The following GRM8 variants were observed in gnomAD, a reference collection of about 807,000 sequenced individuals.
GRM8 encodes glutamate metabotropic receptor 8, also known as metabotropic glutamate receptor 8.
In GRM8, 47 loss-of-function variants were observed where a neutral mutation model predicts 87.2. That is an observed-to-expected ratio of 0.54 (90% CI 0.43 to 0.69). The LOEUF (loss-of-function observed/expected upper bound fraction) is 0.69, where lower values mean the gene tolerates loss of function less well. Ranked by LOEUF, GRM8 falls within the 30% of genes least tolerant of loss-of-function variation. The pLI, the probability that GRM8 is intolerant of heterozygous loss-of-function variation, is 0.00. For synonymous variants in GRM8, 396 were observed against 404.5 expected, an observed-to-expected ratio of 0.98 and a Z score of 0.25; for missense variants, 1,019 against 1,139.2, an observed-to-expected ratio of 0.89 and a Z score of 1.52.
chr7:126,883,499 C>A (rs1800203388), intron 6 of GRM8, among the ~76,000 whole-genome samples: 1 of 152,136 alleles, frequency 6.6e-6, no homozygotes, highest in Admixed American at 6.5e-5. Flanking sequence ...TTGATTACAG[C>A]TTTTCAATCT....
At position 126,904,652 on chromosome 7, in the gene GRM8, G is replaced by A. The variant is rs370965431; in HGVS notation, c.759C>T (p.Ile253=). The change falls in exon 4 of 11, where the codon ATC becomes ATT. Residue 253 remains isoleucine (I), a synonymous_variant. Transcript: ENST00000339582. ...GGVCIAQSQK[I]PREPRPGEFE... is the part of the protein sequence containing the mutation. ...ATTCTCCAGGTCTTGGTTCACGTGGGATTTTCTGTGACTGAGCAATGCAAA... is the reference window on the plus strand; with the variant it reads ...ATTCTCCAGGTCTTGGTTCACGTGGAATTTTCTGTGACTGAGCAATGCAAA... 8.1e-6 allele frequency: 13 copies of A among 1,613,418 alleles called. No individual in the cohort carries two copies. The African/African-American group carries it at 1.3e-4, about 17-fold the overall frequency.
intron 3 of GRM8, among the ~76,000 whole-genome samples, chr7:127,033,939 C>G (rs1159699297): frequency 2.0e-5 from 3 of 152,192 alleles, no homozygotes; most frequent in Non-Finnish European, 4.4e-5. Flanking sequence ...AGACATACCA[C>G]AAGAGTTAAA....
At chr7:126,561,014 CT>C (rs1793633885) in intron 8 of GRM8, among the ~76,000 whole-genome samples, 1 of 152,148 alleles carries the variant, frequency 6.6e-6, no homozygotes, top group Non-Finnish European at 1.5e-5. Context: ...GATTAGTCAG[CT>C]TTACTTCCTT....
At chr7:126,534,348 C>T (rs894377457) in intron 8 of GRM8, among the ~76,000 whole-genome samples, 1 of 152,186 alleles carries the variant, frequency 6.6e-6, no homozygotes, top group Non-Finnish European at 1.5e-5. Context: ...TCAAATCACA[C>T]TGCATCAATT....
intron 9 of GRM8, among the ~76,000 whole-genome samples, chr7:126,470,725 C>G (rs1278175785): frequency 6.6e-6 from 1 of 152,146 alleles, no homozygotes; most frequent in African/African-American, 2.4e-5. Context: ...ATTACTAGGT[C>G]AAATGGCATT....
chr7:127,186,241 G>A (rs1208847600), intron 2 of GRM8, among the ~76,000 whole-genome samples: 1 of 152,088 alleles, frequency 6.6e-6, no homozygotes, highest in Non-Finnish European at 1.5e-5. Flanking sequence ...AGGGGAAAAT[G>A]ACCTTATATT....
At chr7:127,017,162 T>C (rs889171352) in intron 3 of GRM8, among the ~76,000 whole-genome samples, 2 of 152,088 alleles carry the variant, frequency 1.3e-5, no homozygotes, top group South Asian at 2.1e-4. Flanking sequence ...AATACTGTTT[T>C]CTGATATTTT....
chr7:126,939,454 C>T (rs1806672446), intron 3 of GRM8, among the ~76,000 whole-genome samples: 1 of 152,140 alleles, frequency 6.6e-6, no homozygotes, highest in African/African-American at 2.4e-5. Context: ...CAATATCTCC[C>T]TCATGGGTTG....
At chr7:127,032,164 A>G (rs923753396) in intron 3 of GRM8, among the ~76,000 whole-genome samples, 3 of 152,142 alleles carry the variant, frequency 2.0e-5, no homozygotes, top group African/African-American at 7.2e-5. Flanking sequence ...AATCTAAAAT[A>G]TATTTCATGG....
intron 7 of GRM8, among the ~76,000 whole-genome samples, chr7:126,642,130 A>G (rs1802466726): frequency 6.6e-6 from 1 of 152,170 alleles, no homozygotes; most frequent in Admixed American, 6.5e-5. Flanking sequence ...CATTATTGTT[A>G]CTATATCTCA....
intron 3 of GRM8, among the ~76,000 whole-genome samples, chr7:126,906,031 T>C (rs530537414): frequency 2.0e-5 from 3 of 152,176 alleles, no homozygotes; most frequent in Non-Finnish European, 2.9e-5. Context: ...GTTCATATGT[T>C]AAAACTTAAT....
At chr7:126,767,769 T>C (rs964983233) in intron 7 of GRM8, among the ~76,000 whole-genome samples, 3 of 152,128 alleles carry the variant, frequency 2.0e-5, no homozygotes, top group African/African-American at 7.2e-5. Flanking sequence ...AACAGAATTA[T>C]GTATTCTATG....
At chr7:127,080,758 T>C (rs1822769207) in intron 3 of GRM8, 4 of 152,188 alleles carry the variant, frequency 2.6e-5, no homozygotes, top group Admixed American at 2.6e-4. Flanking sequence ...CAATGAGGGC[T>C]GACTGATAAG....
chr7:127,046,556 C>T (rs892946780), intron 3 of GRM8, among the ~76,000 whole-genome samples: 5 of 152,254 alleles, frequency 3.3e-5, no homozygotes, highest in East Asian at 1.9e-4. Flanking sequence ...AATAAAGTTA[C>T]TGCTGGTGAG....
Position 126,894,298 on chromosome 7 carries a change from G to C in GRM8, c.1156+8244C>G, listed in dbSNP as rs139241827. On this transcript the variant is annotated intron_variant, in intron 6 of 10. Transcript: ENST00000339582. Reference sequence around the variant, plus strand: ...TACCATAGTTTTTCAAATAATTGGTGATCAAAAATGCTGAACTGTCACCTG... The same window carrying C: ...TACCATAGTTTTTCAAATAATTGGTCATCAAAAATGCTGAACTGTCACCTG... Among the ~76,000 whole-genome samples the C allele has an allele frequency of 9.9e-5, 15 of 152,096 alleles. No individual in the cohort carries two copies. In the East Asian group the frequency reaches 2.7e-3, roughly 27 times the overall value.
At chr7:126,663,981 A>G (rs920391361) in intron 7 of GRM8, among the ~76,000 whole-genome samples, 7 of 152,188 alleles carry the variant, frequency 4.6e-5, no homozygotes, top group Admixed American at 4.6e-4. Flanking sequence ...AATCAGTAGC[A>G]TTTCTATACA....
intron 7 of GRM8, among the ~76,000 whole-genome samples, chr7:126,638,049 AAAAT>A (rs1035031322): frequency 6.6e-6 from 1 of 152,172 alleles, no homozygotes; most frequent in South Asian, 2.1e-4. Context: ...GTATATTTCG[AAAAT>A]AAATAAATAA....
At chr7:126,853,613 G>A (rs1797421359) in intron 6 of GRM8, among the ~76,000 whole-genome samples, 1 of 151,644 alleles carries the variant, frequency 6.6e-6, no homozygotes. Flanking sequence ...ACTTAAATTC[G>A]ATATCATTGC....
intron 3 of GRM8, among the ~76,000 whole-genome samples, chr7:126,945,162 A>G (rs1483355625): frequency 1.3e-5 from 2 of 152,218 alleles, no homozygotes; most frequent in African/African-American, 4.8e-5. Context: ...CCATGCAAGA[A>G]TGTCCCCTGC....
Sources: allele counts gnomAD v4.1 joint callset (sites outside exome capture counted in the v4.1 genomes callset), GRCh38; gene constraint gnomAD v4.1.1; transcripts MANE v1.5; gene names NCBI Gene and HGNC (gene_info 2026-07-23, HGNC 2026-07-21).